ZNF397: variants seen among roughly 807,000 people sequenced by gnomAD.
ZNF397 encodes zinc finger and SCAN domain-containing protein 15.
In ZNF397, 38 loss-of-function variants were observed where a neutral mutation model predicts 50.6. The ratio of observed to expected loss-of-function variants is 0.75; its 90% confidence interval spans 0.58 to 0.98. The LOEUF (loss-of-function observed/expected upper bound fraction) is 0.98, where lower values mean the gene tolerates loss of function less well. ZNF397 is among the 50% of genes least tolerant of loss of function. The pLI is 0.00. For synonymous variants in ZNF397, 228 were observed against 215.2 expected, an observed-to-expected ratio of 1.06 and a Z score of -0.52; for missense variants, 624 against 624.1, an observed-to-expected ratio of 1.00 and a Z score of 0.00.
chr18:35,250,621 T>C (rs1026767820), downstream of ZNF397, among the ~76,000 whole-genome samples: 2 of 152,104 alleles, frequency 1.3e-5, no homozygotes, highest in African/African-American at 4.8e-5. Flanking sequence ...TTAAAGCAAA[T>C]CTGACCCTCA....
chr18:35,246,377 T>A lies in ZNF397; in HGVS notation c.*67T>A. The A allele has an allele frequency of 2.7e-6, 4 of 1,465,738 alleles. No homozygotes were observed. Among genetic ancestry groups the A allele is most frequent in the Non-Finnish European group, 3.6e-6 (4 of 1,110,106 alleles). 90.8% of individuals were successfully genotyped at this position (1,465,738 alleles called of 1,614,324 possible). The stretch of plus-strand genomic sequence containing the variant: ...TTTAAGTTTGTTAGTCAAAAGAGTT[T>A]ACTTTGGAGCAAAACTCCATAAAGG... On this transcript the variant is annotated 3_prime_UTR_variant, in exon 4 of 4. Transcript: ENST00000330501.
chr18:35,246,428 A>G lies in ZNF397; in HGVS notation c.*118A>G. 1 of 1,449,714 alleles carries G rather than the reference A, an allele frequency of 6.9e-7. No individual in the cohort carries two copies. The highest frequency in any genetic ancestry group is 9.1e-7 in the Non-Finnish European group (1 of 1,103,354). The allele number at this position is 1,449,714 out of a possible 1,614,324, so 89.8% of individuals were successfully genotyped here. A position where few individuals can be genotyped will look rare whatever the true frequency, so the allele number is the denominator to read the frequency against. On this transcript the variant is annotated 3_prime_UTR_variant, in exon 4 of 4. Coordinates refer to ENST00000330501, the MANE Select transcript of ZNF397 (RefSeq NM_001135178.3). ...TTATAAAATACTAGGTCTTGAGTCT[A>G]GCTTGCTTTGTGCAGCATTTCCCAG... is the stretch of plus-strand genomic sequence containing the variant.
At chr18:35,242,369 T>C (rs1187144052) in intron 1 of ZNF397, 22 bp from the exon 2 acceptor site, 1 of 1,190,110 alleles carries the variant, frequency 8.4e-7, no homozygotes, top group African/African-American at 1.5e-5. Context: ...TGCTGTAAGT[T>C]AACTGCTTTT....
intron 5 of ZNF397, chr18:35,255,698 C>A (rs898059496): frequency 3.9e-5 from 6 of 154,346 alleles, no homozygotes; most frequent in African/African-American, 1.4e-4. Context: ...TAAAGCACCA[C>A]AATTGATACC....
In ZNF397 at chr18:35,242,797, G is replaced by C. The variant is rs1005202584; in HGVS notation, c.327G>C (p.Trp109Cys). 1 of 1,614,164 alleles carries C rather than the reference G, an allele frequency of 6.2e-7. No individual in the cohort carries two copies. Reference sequence around the variant, plus strand: ...TTCTGCCTGAGGAGCTGCAGATCTGGGTTCAGCAACATAATCCAGAAAGCG... The same window carrying C: ...TTCTGCCTGAGGAGCTGCAGATCTGCGTTCAGCAACATAATCCAGAAAGCG... ...LSILPEELQI[W>C]VQQHNPESGE... Residue 109 changes from tryptophan (W) to cysteine (C), a missense_variant, in exon 2 of 4, where the codon TGG (tryptophan) becomes TGC (cysteine). Coordinates refer to ENST00000330501, the MANE Select transcript of ZNF397 (RefSeq NM_001135178.3).
Position 35,248,252 on chromosome 18 carries a change from A to C in ZNF397, c.*1942A>C, listed in dbSNP as rs369933563. ...AAAGAATTTTCATGAGGATAAAAAG[A>C]AGCAAAGAGAAGTAATGCTCTTATT... On this transcript the variant is annotated 3_prime_UTR_variant, in exon 4 of 4. Coordinates refer to ENST00000330501, the MANE Select transcript of ZNF397 (RefSeq NM_001135178.3). 1 of 152,222 alleles carries C rather than the reference A, an allele frequency of 6.6e-6. No individual in the cohort carries two copies. The highest frequency in any genetic ancestry group is 1.5e-5 in the Non-Finnish European group (1 of 68,052). The allele number at this position is 152,222 out of a possible 1,614,324, so 9.4% of individuals were successfully genotyped here. A position where few individuals can be genotyped will look rare whatever the true frequency, so the allele number is the denominator to read the frequency against.
downstream of ZNF397, chr18:35,253,672 A>G (rs764947928): frequency 3.7e-6 from 6 of 1,613,920 alleles, no homozygotes; most frequent in Non-Finnish European, 5.1e-6. Context: ...TCCTACCAAA[A>G]GCCTTACCAC....
In ZNF397 at chr18:35,246,526, C is replaced by T. The variant is rs2043485218; in HGVS notation, c.*216C>T. Reference sequence around the variant, plus strand: ...ACAGAATACAGAAGAATCATTACTTCCAGCTCTTCTCTTATTAGGAATACT... The same window carrying T: ...ACAGAATACAGAAGAATCATTACTTTCAGCTCTTCTCTTATTAGGAATACT... On this transcript the variant is annotated 3_prime_UTR_variant, in exon 4 of 4. Transcript: ENST00000330501. The T allele has an allele frequency of 1.5e-6, 2 of 1,302,632 alleles. No homozygotes were observed. 80.7% of individuals were successfully genotyped at this position (1,302,632 alleles called of 1,614,324 possible).
At chr18:35,243,008 G>A in intron 2 of ZNF397, 124 bp downstream of exon 2, 4 of 1,478,280 alleles carry the variant, frequency 2.7e-6, no homozygotes, top group African/African-American at 1.4e-5. Context: ...GACTAATAGA[G>A]CCATACTTGT....
downstream of ZNF397, chr18:35,251,031 G>C (rs986439406): frequency 6.6e-6 from 1 of 152,068 alleles, no homozygotes; most frequent in African/African-American, 2.4e-5. Context: ...ATTGTGTTCC[G>C]TATTCCTGAA....
chr18:35,258,388 G>A (rs1021241981), exon 6 of ZNF397: 2 of 165,706 alleles, frequency 1.2e-5, no homozygotes, highest in Non-Finnish European at 2.6e-5. Context: ...GTTAAAAAAT[G>A]TAACAGATAA....
chr18:35,251,297 C>CACTT (rs767631462), downstream of ZNF397: 8 of 152,244 alleles, frequency 5.3e-5, no homozygotes, highest in Admixed American at 1.3e-4. Flanking sequence ...GTATTACCAA[C>CACTT]ACTTACAATT....
At chr18:35,250,532 T>G (rs2043560423), downstream of ZNF397, among the ~76,000 whole-genome samples, 1 of 152,216 alleles carries the variant, frequency 6.6e-6, no homozygotes, top group Non-Finnish European at 1.5e-5. Flanking sequence ...TTAGTGTACT[T>G]AACTTTGATT....
chr18:35,246,917 C>G lies in ZNF397; in HGVS notation c.*607C>G. ...ATACAGTGGAAAACAAGACTGTAGT[C>G]TCTACAGTCTAATGGGCAAGGCAGC... On this transcript the variant is annotated 3_prime_UTR_variant, in exon 4 of 4. Transcript: ENST00000330501. 2 of 918,242 alleles carry G rather than the reference C, an allele frequency of 2.2e-6. No individual in the cohort carries two copies. The highest frequency in any genetic ancestry group is 2.6e-6 in the Non-Finnish European group (2 of 768,618). 56.9% of individuals were successfully genotyped at this position (918,242 alleles called of 1,614,324 possible).
chr18:35,255,560 T>A lies in ZNF397; in HGVS notation c.817+1158T>A, dbSNP rs77157699. 8.6e-3 allele frequency among the ~76,000 whole-genome samples: 1,303 copies of A among 152,272 alleles called. 41 individuals carry two copies. The highest frequency in any genetic ancestry group is 0.057 in the East Asian group (292 of 5,156). The stretch of plus-strand genomic sequence containing the variant: ...CTTCCATATTGGAAGGATGCAGGGC[T>A]GTAGTTGCACTGAAACAAAATATAA... On this transcript the variant is annotated intron_variant, in intron 5 of 5. Coordinates refer to the ZNF397 transcript ENST00000261333.
rs756026672 is a variant in ZNF397, at chr18:35,242,531, C to G, written c.61C>G (p.Leu21Val). Residue 21 changes from leucine (L) to valine (V), a missense_variant, in exon 2 of 4, where the codon CTA becomes GTA. Transcript: ENST00000330501. The part of the protein sequence containing the change: ...LIPQDPPEQE[L>V]ILVKVEDNFS... ...ACCTCAGGATCCTCCGGAACAAGAA[C>G]TAATACTAGTGAAAGTAGAAGATAA... 1.9e-6 allele frequency: 3 copies of G among 1,614,174 alleles called. No individual in the cohort carries two copies. The highest frequency in any genetic ancestry group is 2.2e-5 in the South Asian group (2 of 91,086).
chr18:35,243,210 C>A lies in ZNF397; in HGVS notation c.473C>A (p.Ala158Glu). ...VPWKDLTCLRASQESTDIHLQ... is the reference protein window; with the variant it reads ...VPWKDLTCLRESQESTDIHLQ... ...TGGAAGGATTTAACATGTCTCAGAG[C>A]ATCCCAAGAGTCAACAGACATCCAC... Residue 158 changes from alanine to glutamate, a missense_variant, in exon 3 of 4, where the codon GCA becomes GAA. Ala to Glu is a moderately radical substitution (Grantham distance 107). Coordinates refer to ENST00000330501, the MANE Select transcript of ZNF397 (RefSeq NM_001135178.3). 6.2e-7 allele frequency: 1 copy of A among 1,614,216 alleles called. No homozygotes were observed. The highest frequency in any genetic ancestry group is 1.1e-5 in the South Asian group (1 of 91,084).
chr18:35,257,958 T>G, exon 6 of ZNF397: 1 of 781,040 alleles, frequency 1.3e-6, no homozygotes, highest in Non-Finnish European at 2.4e-6. Context: ...CGTCAATAAA[T>G]CACCTGCACC....
chr18:35,245,654 C>T lies in ZNF397; in HGVS notation c.949C>T (p.Gln317Ter). The T allele has an allele frequency of 6.4e-7, 1 of 1,554,074 alleles. No homozygotes were observed. Among genetic ancestry groups the T allele is most frequent in the South Asian group, 1.2e-5 (1 of 84,170 alleles). ...TGGAGAAAAGCCCTATAAATGTAAC[C>T]AGTGTGGGAAGGCCTTTAGTTTGAG... is the stretch of plus-strand genomic sequence containing the variant. ...HTGEKPYKCN[Q>*]CGKAFSLRSY... Residue 317 changes from glutamine (Q) to a stop codon, truncating the protein, a stop_gained, in exon 4 of 4, where the codon CAG becomes TAG. Transcript: ENST00000330501. LOFTEE classifies it high-confidence loss of function.
Sources: allele counts gnomAD v4.1 joint callset (sites outside exome capture counted in the v4.1 genomes callset), GRCh38; gene constraint gnomAD v4.1.1; transcripts MANE v1.5; gene names NCBI Gene and HGNC (gene_info 2026-07-23, HGNC 2026-07-21).